The following RGS8 variants were observed in gnomAD, a reference collection of about 807,000 sequenced individuals.
RGS8 encodes regulator of G protein signaling 8.
A neutral mutation model predicts 21.7 loss-of-function variants in RGS8; 8 were observed. The ratio of observed to expected loss-of-function variants is 0.37; its 90% CI spans 0.22 to 0.66. The LOEUF (loss-of-function observed/expected upper bound fraction) is 0.66. Ranked by LOEUF, RGS8 falls within the 30% of genes least tolerant of loss-of-function variation. RGS8 has a pLI of 0.59. For synonymous variants in RGS8, 80 were observed against 83.6 expected (o/e 0.96, Z 0.24); for missense variants, 157 against 217.9 (o/e 0.72, Z 1.76).
the RGS8 span, among the ~76,000 whole-genome samples, chr1:182,730,049 T>C: frequency 6.6e-6 from 1 of 152,206 alleles, no homozygotes; most frequent in Non-Finnish European, 1.5e-5. Context: ...GAAAAGATGA[T>C]GGGGATAATA....
rs1168143820 is a variant in RGS8, at chr1:182,684,498, G to A, written n.79C>T. ...GGCAGAGGGCAGCCCACTTCACCCAGCGCCCCTAGAATAGCGGCTGCAACA... is the reference window on the plus strand; with the variant it reads ...GGCAGAGGGCAGCCCACTTCACCCAACGCCCCTAGAATAGCGGCTGCAACA... On this transcript the variant is annotated non_coding_transcript_exon_variant, in exon 1 of 5. Transcript: ENST00000515211. The surrounding 1 kb of genome is among the most constrained non-coding windows in gnomAD (Gnocchi z 4.2). 1 of 152,376 alleles carries A rather than the reference G, an allele frequency of 6.6e-6. No homozygotes were observed. Among genetic ancestry groups the A allele is most frequent in the Non-Finnish European group, 1.5e-5 (1 of 68,238 alleles). 9.4% of individuals were successfully genotyped at this position (152,376 alleles called of 1,614,324 possible). A position where few individuals can be genotyped will look rare whatever the true frequency, so the allele number is the denominator to read the frequency against.
the RGS8 span, among the ~76,000 whole-genome samples, chr1:182,723,993 CTGAG>C: frequency 1.3e-5 from 2 of 151,648 alleles, no homozygotes; most frequent in Non-Finnish European, 2.9e-5. Flanking sequence ...ATAGTTAATA[CTGAG>C]TGTCAACTTG....
chr1:182,703,534 C>T, the RGS8 span, among the ~76,000 whole-genome samples: 1 of 152,118 alleles, frequency 6.6e-6, no homozygotes, highest in African/African-American at 2.4e-5. Context: ...GGTTTTGTGA[C>T]TTTATTTTGT....
exon 4 of RGS8, chr1:182,666,964 C>T: frequency 6.2e-7 from 1 of 1,613,458 alleles, no homozygotes; most frequent in Non-Finnish European, 8.5e-7. Context: ...GAGTCCTCAT[C>T]CCTTTGTTCC....
upstream of RGS8, among the ~76,000 whole-genome samples, chr1:182,675,618 G>GCTGT (rs1664331592): frequency 1.3e-5 from 2 of 152,220 alleles, no homozygotes; most frequent in African/African-American, 4.8e-5. Context: ...TGATTCCTCT[G>GCTGT]CTGTCCCTTC....
At chr1:182,686,280 G>A (rs1394250670), upstream of RGS8, among the ~76,000 whole-genome samples, 4 of 152,144 alleles carry the variant, frequency 2.6e-5, no homozygotes, top group African/African-American at 7.2e-5. Context: ...GGGACCACAC[G>A]GTAAAAACTT....
chr1:182,671,699 G>A (rs776486660), exon 2 of RGS8: 2 of 1,614,160 alleles, frequency 1.2e-6, no homozygotes, highest in South Asian at 1.1e-5. Context: ...TTTGCCAACT[G>A]GATGGTCAGA....
At chr1:182,741,789 GCCGC>G in the RGS8 span, among the ~76,000 whole-genome samples, 8 of 103,450 alleles carry the variant, frequency 7.7e-5, no homozygotes, top group African/African-American at 2.6e-4. Flanking sequence ...GGGGCGGCTG[GCCGC>G]GCAGAGGGGC....
chr1:182,713,200 T>C, the RGS8 span, among the ~76,000 whole-genome samples: 1 of 152,338 alleles, frequency 6.6e-6, no homozygotes, highest in Middle Eastern at 3.4e-3. Flanking sequence ...TTCTTTTTCT[T>C]TGAGACAGAG....
chr1:182,677,296 G>T (rs2102453204), upstream of RGS8, among the ~76,000 whole-genome samples: 2 of 152,342 alleles, frequency 1.3e-5, no homozygotes, highest in South Asian at 4.1e-4. Context: ...GATTGAATTA[G>T]ATAATGTAAT....
At chr1:182,696,168 T>C in the RGS8 span, among the ~76,000 whole-genome samples, 1 of 152,216 alleles carries the variant, frequency 6.6e-6, no homozygotes, top group Non-Finnish European at 1.5e-5. Context: ...TATCCCTCTG[T>C]AAGAACCCAT....
At chr1:182,699,473 G>C in the RGS8 span, among the ~76,000 whole-genome samples, 1 of 152,218 alleles carries the variant, frequency 6.6e-6, no homozygotes, top group Admixed American at 6.5e-5. Context: ...GCAGGCCCAA[G>C]GCCTTTCCTA....
intron 1 of RGS8, among the ~76,000 whole-genome samples, chr1:182,679,258 C>G (rs1034662043): frequency 2.0e-5 from 3 of 152,140 alleles, no homozygotes; most frequent in African/African-American, 7.2e-5. Context: ...CCTCCTAACC[C>G]CTTTGCCATT....
intron 5 of RGS8, among the ~76,000 whole-genome samples, chr1:182,654,219 T>C (rs1663157296): frequency 6.6e-6 from 1 of 152,110 alleles, no homozygotes; most frequent in Non-Finnish European, 1.5e-5. Flanking sequence ...GCAAGGTCTC[T>C]CCAGATGTGT....
the RGS8 span, among the ~76,000 whole-genome samples, chr1:182,751,838 G>C: frequency 6.6e-6 from 1 of 152,148 alleles, no homozygotes; most frequent in Non-Finnish European, 1.5e-5. Context: ...TCCAGAATAC[G>C]TTGGAAACTC....
At chr1:182,672,788 T>C (rs1278315546), upstream of RGS8, 2 of 1,613,696 alleles carry the variant, frequency 1.2e-6, no homozygotes, top group African/African-American at 2.7e-5. Flanking sequence ...TTCTGTCTTT[T>C]CCATTTCTTT....
intron 5 of RGS8, among the ~76,000 whole-genome samples, chr1:182,663,240 T>C (rs919410753): frequency 6.6e-6 from 1 of 152,196 alleles, no homozygotes; most frequent in Non-Finnish European, 1.5e-5. Flanking sequence ...CCAACTCAAA[T>C]TAATTAGACT....
chr1:182,732,266 C>CA, the RGS8 span, among the ~76,000 whole-genome samples: 2,770 of 114,280 alleles, frequency 0.024, 35 homozygotes, highest in Middle Eastern at 0.047. Context: ...CTCGCTCTCT[C>CA]TCTCATACAC....
chr1:182,732,021 T>C, the RGS8 span, among the ~76,000 whole-genome samples: 202 of 152,214 alleles, frequency 1.3e-3, no homozygotes, highest in African/African-American at 4.0e-3. Flanking sequence ...CAGGAAGTGT[T>C]GGGACTAGGA....
Sources: gnomAD v4.1 joint callset for allele counts (sites outside exome capture counted in the v4.1 genomes callset) on GRCh38, gnomAD v4.1.1 for gene constraint, Gnocchi (gnomAD v3.1) non-coding constraint, MANE v1.5 for transcripts, NCBI Gene and HGNC (gene_info 2026-07-23, HGNC 2026-07-21) for gene names.